The following SPATA17 variants were observed in gnomAD, a reference collection of about 807,000 sequenced individuals.
SPATA17 encodes the protein spermatogenesis-associated protein 17.
Under a neutral mutation model 62.2 loss-of-function variants are expected in SPATA17, and 53 were observed. That is an observed-to-expected ratio of 0.85 (90% CI 0.68 to 1.07). SPATA17 has a LOEUF of 1.07. Ranked by LOEUF, SPATA17 falls within the 50% of genes least tolerant of loss-of-function variation. SPATA17 has a pLI of 0.00. For synonymous variants in SPATA17, 146 were observed against 146.8 expected, an observed-to-expected ratio of 0.99 and a Z score of 0.04; for missense variants, 466 against 425.5, an observed-to-expected ratio of 1.10 and a Z score of -0.84.
At chr1:217,743,656 C>T (rs1252687854) in intron 6 of SPATA17, among the ~76,000 whole-genome samples, 2 of 151,914 alleles carry the variant, frequency 1.3e-5, no homozygotes, top group Admixed American at 1.3e-4. Context: ...GTTGCCCAGG[C>T]TGGAGTACAG....
chr1:217,681,957 G>A (rs1299517097), intron 4 of SPATA17, among the ~76,000 whole-genome samples: 2 of 151,526 alleles, frequency 1.3e-5, no homozygotes, highest in Non-Finnish European at 2.9e-5. Flanking sequence ...TAGGGAAGAC[G>A]TGTGTTCTCT....
chr1:217,660,567 A>T (rs1241715669), intron 3 of SPATA17, among the ~76,000 whole-genome samples: 1 of 152,140 alleles, frequency 6.6e-6, no homozygotes, highest in Non-Finnish European at 1.5e-5. Flanking sequence ...GATGATTCAT[A>T]CTCATCCCAC....
rs1375986082 is a variant in SPATA17, at chr1:217,744,210, C to T, written c.519+2112C>T. ...GGGCGCGGTGGCTCACGCCTGTAAT[C>T]CCAGCACTTTGGGAGGCCGAGGCGG... is the stretch of plus-strand genomic sequence containing the variant. On this transcript the variant is annotated intron_variant, in intron 6 of 10. Transcript: ENST00000366933. Among the ~76,000 whole-genome samples, 4 of 47,298 alleles carry T rather than the reference C, an allele frequency of 8.5e-5. 1 individual carries two copies. Among genetic ancestry groups the T allele is most frequent in the Non-Finnish European group, 2.5e-4 (3 of 11,988 alleles). The allele number at this position is 47,298 out of a possible 152,430, so 31.0% of individuals were successfully genotyped here.
intron 6 of SPATA17, among the ~76,000 whole-genome samples, chr1:217,763,599 A>G (rs1673225316): frequency 1.3e-5 from 2 of 152,220 alleles, no homozygotes; most frequent in South Asian, 4.1e-4. Flanking sequence ...TTATTAAGGA[A>G]CTAAAATACT....
intron 5 of SPATA17, among the ~76,000 whole-genome samples, chr1:217,684,126 A>G (rs888383828): frequency 2.0e-5 from 3 of 152,202 alleles, no homozygotes; most frequent in Non-Finnish European, 4.4e-5. Context: ...TTAAACACAT[A>G]GGAGGATAGG....
At chr1:217,864,402 TA>T (rs2103017511) in intron 10 of SPATA17, among the ~76,000 whole-genome samples, 2 of 152,246 alleles carry the variant, frequency 1.3e-5, no homozygotes, top group Middle Eastern at 3.4e-3. Flanking sequence ...CATTAATTTT[TA>T]AAAATGCCTA....
At chr1:217,825,900 A>G (rs958451873) in intron 9 of SPATA17, among the ~76,000 whole-genome samples, 2 of 152,154 alleles carry the variant, frequency 1.3e-5, no homozygotes, top group African/African-American at 4.8e-5. Flanking sequence ...TTCTTCATGT[A>G]GATTCTACAC....
intron 5 of SPATA17, among the ~76,000 whole-genome samples, chr1:217,715,257 CTTT>C (rs1030438569): frequency 3.4e-4 from 51 of 152,194 alleles, no homozygotes; most frequent in African/African-American, 1.2e-3. Flanking sequence ...ATTGAAATAT[CTTT>C]TTTACTCCTG....
At chr1:217,814,503 T>G (rs1343428904) in intron 9 of SPATA17, among the ~76,000 whole-genome samples, 2 of 152,062 alleles carry the variant, frequency 1.3e-5, no homozygotes, top group African/African-American at 4.8e-5. Flanking sequence ...TTTCTGGAAG[T>G]TTTTAGTCCC....
At chr1:217,861,308 T>C (rs949859944) in intron 9 of SPATA17, among the ~76,000 whole-genome samples, 1 of 151,322 alleles carries the variant, frequency 6.6e-6, no homozygotes, top group Non-Finnish European at 1.5e-5. Context: ...TTCTAACCCA[T>C]ATCATTTGCC....
chr1:217,817,089 A>G (rs930549245), intron 9 of SPATA17, among the ~76,000 whole-genome samples: 1 of 152,098 alleles, frequency 6.6e-6, no homozygotes, highest in African/African-American at 2.4e-5. Flanking sequence ...TAGAAGTTGT[A>G]TTTTAGTGAA....
At position 217,801,780 on chromosome 1, in the gene SPATA17, G is replaced by T; in HGVS notation, c.935G>T (p.Ser312Ile). ...TACATCCCATCAATGCATTTATCAA[G>T]CAAGTATGGTCCTATTTCTTACAAA... ...EKYIPSMHLS[S>I]KYGPISYKEQ... The change falls in exon 9 of 11, where the codon AGC (serine) becomes ATC (isoleucine). Residue 312 changes from serine to isoleucine, a missense_variant. Ser to Ile is a moderately radical substitution (Grantham distance 142, BLOSUM62 -2). Transcript: ENST00000366933. 2 of 1,611,516 alleles carry T rather than the reference G, an allele frequency of 1.2e-6. No homozygotes were observed. Among genetic ancestry groups the T allele is most frequent in the Non-Finnish European group, 1.7e-6 (2 of 1,178,878 alleles).
At chr1:217,659,967 C>T (rs1016078154) in intron 3 of SPATA17, among the ~76,000 whole-genome samples, 4 of 152,186 alleles carry the variant, frequency 2.6e-5, no homozygotes, top group Non-Finnish European at 4.4e-5. Context: ...TGAGGTCTTC[C>T]ATGGTCTTAC....
chr1:217,653,737 A>G (rs1469161509), intron 3 of SPATA17, among the ~76,000 whole-genome samples: 2 of 152,144 alleles, frequency 1.3e-5, no homozygotes, highest in Non-Finnish European at 2.9e-5. Context: ...AACAGTGAAG[A>G]GGAGATTTGA....
rs983774369 is a variant in SPATA17 at position 217,677,200 on chromosome 1, A to G, written c.292-6058A>G. Among the ~76,000 whole-genome samples the G allele has an allele frequency of 2.0e-5, 3 of 152,132 alleles. No individual in the cohort carries two copies. The South Asian group carries it at 6.2e-4, about 31-fold the overall frequency. On this transcript the variant is annotated intron_variant, in intron 4 of 10. Transcript: ENST00000366933. ...TATTTCCCCTTAGAGCTTTCTCCGC[A>G]TATAATACAAATTTTAATTTATAAA...
At chr1:217,682,082 T>C (rs1052191251) in intron 4 of SPATA17, among the ~76,000 whole-genome samples, 1 of 152,202 alleles carries the variant, frequency 6.6e-6, no homozygotes, top group Non-Finnish European at 1.5e-5. Flanking sequence ...TTAGGAATGA[T>C]GCTAAATCTT....
Position 217,742,064 on chromosome 1 carries a change from C to T in SPATA17, c.485C>T (p.Ala162Val), listed in dbSNP as rs1278058471. The change falls in exon 6 of 11, where the codon GCC becomes GTC. Residue 162 changes from alanine to valine, a missense_variant. Coordinates refer to ENST00000366933, the MANE Select transcript of SPATA17 (RefSeq NM_138796.4). Reference sequence around the variant, plus strand: ...GAAGAGAAGAAAAGAGATTACCAAGCCCGAAAGATGCATTACCTCCTCAGC... The same window carrying T: ...GAAGAGAAGAAAAGAGATTACCAAGTCCGAAAGATGCATTACCTCCTCAGC... ...EREEKKRDYQ[A>V]RKMHYLLSTK... 1 of 1,614,080 alleles carries T rather than the reference C, an allele frequency of 6.2e-7. No homozygotes were observed. The highest frequency in any genetic ancestry group is 2.2e-5 in the East Asian group (1 of 44,888).
intron 6 of SPATA17, among the ~76,000 whole-genome samples, chr1:217,757,954 A>T (rs1253057274): frequency 2.0e-5 from 3 of 152,206 alleles, no homozygotes; most frequent in African/African-American, 4.8e-5. Context: ...GATCTTCCAG[A>T]GTAATCCTTA....
intron 5 of SPATA17, among the ~76,000 whole-genome samples, chr1:217,700,349 C>A (rs1671565146): frequency 6.6e-6 from 1 of 152,076 alleles, no homozygotes; most frequent in Non-Finnish European, 1.5e-5. Flanking sequence ...TATAGGTTTT[C>A]ATGGTTAGGC....
Sources: gnomAD v4.1 joint callset for allele counts (sites outside exome capture counted in the v4.1 genomes callset) on GRCh38, gnomAD v4.1.1 for gene constraint, MANE v1.5 for transcripts, NCBI Gene and HGNC (gene_info 2026-07-23, HGNC 2026-07-21) for gene names.